The following CDK14 variants were observed in gnomAD, a reference collection of about 807,000 sequenced individuals.
CDK14 encodes cyclin-dependent kinase 14.
In CDK14, 34 loss-of-function variants were observed where a neutral mutation model predicts 60.7. The ratio of observed to expected loss-of-function variants is 0.56; its 90% CI spans 0.43 to 0.75. CDK14 has a LOEUF of 0.75. CDK14 is among the 30% of genes least tolerant of loss of function. CDK14 has a pLI of 0.00. For synonymous variants in CDK14, 197 were observed against 203.7 expected, an observed-to-expected ratio of 0.97 and a Z score of 0.28; for missense variants, 482 against 564.1, an observed-to-expected ratio of 0.85 and a Z score of 1.47.
At chr7:90,732,757 GTCTA>G (rs201611202) in intron 3 of CDK14, among the ~76,000 whole-genome samples, 2,132 of 152,144 alleles carry the variant, frequency 0.014, 44 homozygotes, top group African/African-American at 0.047. Flanking sequence ...CTGGCTAGAG[GTCTA>G]TCTATTTTGT....
intron 11 of CDK14, among the ~76,000 whole-genome samples, chr7:91,070,770 A>C (rs955282372): frequency 6.6e-6 from 1 of 152,104 alleles, no homozygotes; most frequent in African/African-American, 2.4e-5. Context: ...AAAAATAAAA[A>C]AGGAAATGTT....
At chr7:90,659,642 A>T (rs1167506360) in intron 2 of CDK14, among the ~76,000 whole-genome samples, 1 of 152,208 alleles carries the variant, frequency 6.6e-6, no homozygotes, top group Non-Finnish European at 1.5e-5. Flanking sequence ...ATTCTGGTAT[A>T]AAAATGTCCA....
chr7:90,628,332 G>A (rs1455180834), intron 2 of CDK14, among the ~76,000 whole-genome samples: 2 of 152,104 alleles, frequency 1.3e-5, no homozygotes, highest in East Asian at 3.9e-4. Flanking sequence ...ATAGCAGCTT[G>A]CCTGCTTTCT....
intron 4 of CDK14, among the ~76,000 whole-genome samples, chr7:90,790,070 G>GA (rs60938697): frequency 0.22 from 30,194 of 134,386 alleles, 3,223 homozygotes; most frequent in South Asian, 0.27. Context: ...TAGTAAAAAA[G>GA]AAAAAAAAAC....
intron 7 of CDK14, among the ~76,000 whole-genome samples, chr7:90,907,616 C>CT (rs1044571738): frequency 6.6e-6 from 1 of 151,900 alleles, no homozygotes; most frequent in African/African-American, 2.4e-5. Flanking sequence ...CACATTTGCC[C>CT]TTTTTTTGTG....
At chr7:90,985,387 A>G (rs916056050) in intron 10 of CDK14, among the ~76,000 whole-genome samples, 3 of 152,178 alleles carry the variant, frequency 2.0e-5, no homozygotes, top group African/African-American at 7.2e-5. Flanking sequence ...ATTGACTAAT[A>G]TAGTTCTTTT....
chr7:90,835,098 A>G (rs1308052892), intron 5 of CDK14, among the ~76,000 whole-genome samples: 5 of 152,218 alleles, frequency 3.3e-5, no homozygotes, highest in African/African-American at 1.2e-4. Context: ...CAAAGTAAAC[A>G]AGAAGATAAA....
At chr7:91,064,407 A>C (rs192484126) in intron 11 of CDK14, among the ~76,000 whole-genome samples, 2 of 152,336 alleles carry the variant, frequency 1.3e-5, no homozygotes, top group East Asian at 3.9e-4. Context: ...AATGTGGACA[A>C]ATTGGTCAAT....
chr7:90,616,749 T>A (rs1358870282), intron 2 of CDK14, among the ~76,000 whole-genome samples: 1 of 152,174 alleles, frequency 6.6e-6, no homozygotes, highest in East Asian at 1.9e-4. Context: ...TTCTATATAG[T>A]TATTAGAAGA....
intron 5 of CDK14, among the ~76,000 whole-genome samples, chr7:90,847,217 A>G (rs1790498097): frequency 6.6e-6 from 1 of 152,160 alleles, no homozygotes; most frequent in South Asian, 2.1e-4. Flanking sequence ...GTCAAATGTT[A>G]AAAGTTTTTT....
At chr7:90,625,923 G>A (rs17867002) in intron 2 of CDK14, among the ~76,000 whole-genome samples, 9,848 of 152,302 alleles carry the variant, frequency 0.065, 421 homozygotes, top group East Asian at 0.19. Context: ...TGTGTGTGGA[G>A]GTCTTGCTAT....
intron 10 of CDK14, among the ~76,000 whole-genome samples, chr7:91,000,301 A>G (rs1402470704): frequency 6.6e-6 from 1 of 152,234 alleles, no homozygotes. Flanking sequence ...ACTACAAACC[A>G]GTCTTCTGTA....
intron 3 of CDK14, among the ~76,000 whole-genome samples, chr7:90,739,464 A>G (rs773273197): frequency 1.2e-4 from 19 of 152,162 alleles, no homozygotes; most frequent in Non-Finnish European, 1.6e-4. Context: ...TTCAAGTAGT[A>G]AGTTTAATAT....
At chr7:91,062,921 T>C (rs1357925327) in intron 11 of CDK14, among the ~76,000 whole-genome samples, 1 of 152,188 alleles carries the variant, frequency 6.6e-6, no homozygotes, top group African/African-American at 2.4e-5. Flanking sequence ...CTAATCCTCT[T>C]TGGAGTGGCA....
chr7:90,727,505 T>A (rs967299145), intron 3 of CDK14, among the ~76,000 whole-genome samples: 1 of 152,172 alleles, frequency 6.6e-6, no homozygotes, highest in Non-Finnish European at 1.5e-5. Flanking sequence ...AATACATTTT[T>A]TCCTACTTTT....
At chr7:90,618,218 TAGAA>T (rs915682383) in intron 2 of CDK14, among the ~76,000 whole-genome samples, 9 of 152,318 alleles carry the variant, frequency 5.9e-5, no homozygotes, top group Non-Finnish European at 7.3e-5. Flanking sequence ...ATTTACATCT[TAGAA>T]AGATGAAGAC....
intron 3 of CDK14, among the ~76,000 whole-genome samples, chr7:90,735,558 G>A (rs189945387): frequency 1.3e-5 from 2 of 152,204 alleles, no homozygotes; most frequent in South Asian, 4.1e-4. Context: ...GCGGCCTTTG[G>A]CCTGGCCTTG....
At chr7:91,183,799 C>G (rs1290873915) in intron 14 of CDK14, among the ~76,000 whole-genome samples, 5 of 152,234 alleles carry the variant, frequency 3.3e-5, no homozygotes, top group Non-Finnish European at 5.9e-5. Flanking sequence ...TTTCTCTATT[C>G]ACACCAGATT....
intron 5 of CDK14, among the ~76,000 whole-genome samples, chr7:90,810,774 G>T (rs1056759362): frequency 6.6e-6 from 1 of 151,568 alleles, no homozygotes; most frequent in Admixed American, 6.6e-5. Context: ...AAAGTCTCAG[G>T]ATACAAAATC....
Sources: gnomAD v4.1 joint callset for allele counts (sites outside exome capture counted in the v4.1 genomes callset) on GRCh38, gnomAD v4.1.1 for gene constraint, MANE v1.5 for transcripts, NCBI Gene and HGNC (gene_info 2026-07-23, HGNC 2026-07-21) for gene names.